LYZL2: variants seen among roughly 807,000 people sequenced by gnomAD.
LYZL2 encodes lysozyme-like protein 2.
LYZL2 carries 13 observed loss-of-function variants against 17.1 expected under a neutral mutation model. The ratio of observed to expected loss-of-function variants is 0.76; its 90% CI spans 0.49 to 1.21. LYZL2 has a LOEUF of 1.21. LYZL2 is among the 50% of genes most tolerant of loss of function. The pLI, the probability that LYZL2 is intolerant of heterozygous loss-of-function variation, is 0.00. For synonymous variants in LYZL2, 63 were observed against 74.4 expected, an observed-to-expected ratio of 0.85 and a Z score of 0.79; for missense variants, 166 against 189.2, an observed-to-expected ratio of 0.88 and a Z score of 0.72.
chr10:30,627,881 CA>C (rs1398215300), intron 1 of LYZL2, among the ~76,000 whole-genome samples: 1 of 152,182 alleles, frequency 6.6e-6, no homozygotes, highest in Non-Finnish European at 1.5e-5. Context: ...TCGTCTAGGC[CA>C]GGCGCGGTGG....
intron 3 of LYZL2, among the ~76,000 whole-genome samples, chr10:30,617,153 G>A (rs1838541519): frequency 6.6e-6 from 1 of 152,044 alleles, no homozygotes; most frequent in African/African-American, 2.4e-5. Context: ...TATTATTCTG[G>A]GATTGGAGGT....
intron 3 of LYZL2, among the ~76,000 whole-genome samples, chr10:30,618,811 C>A (rs1009183916): frequency 1.3e-5 from 2 of 152,112 alleles, no homozygotes; most frequent in African/African-American, 4.8e-5. Context: ...GCAACAAAAG[C>A]CAAAATTGAC....
intron 3 of LYZL2, among the ~76,000 whole-genome samples, chr10:30,613,810 G>T (rs1029863317): frequency 4.6e-5 from 7 of 152,092 alleles, no homozygotes; most frequent in Non-Finnish European, 8.8e-5. Flanking sequence ...CAACCTCCTG[G>T]CCTCAAGCAA....
At chr10:30,612,744 A>G (rs1039295307) in intron 4 of LYZL2, 78 bp downstream of exon 4, 5 of 1,169,536 alleles carry the variant, frequency 4.3e-6, no homozygotes, top group Admixed American at 1.8e-5. Context: ...GAGTTTGTCA[A>G]TTCCACCATA....
chr10:30,627,843 G>A (rs1838740462), intron 1 of LYZL2, among the ~76,000 whole-genome samples: 1 of 152,214 alleles, frequency 6.6e-6, no homozygotes, highest in Non-Finnish European at 1.5e-5. Context: ...AAATACACGT[G>A]GACCTGAATG....
chr10:30,613,657 T>C (rs1268031041), intron 3 of LYZL2, among the ~76,000 whole-genome samples: 1 of 152,222 alleles, frequency 6.6e-6, no homozygotes, highest in African/African-American at 2.4e-5. Flanking sequence ...GTGTTTTTCA[T>C]GTGCAGAAAG....
chr10:30,629,681 G>A lies in LYZL2; in HGVS notation c.-114C>T. 1.2e-6 allele frequency: 2 copies of A among 1,613,948 alleles called. No individual in the cohort carries two copies. The highest frequency in any genetic ancestry group is 1.7e-6 in the Non-Finnish European group (2 of 1,179,816). ...ACACTGCTCCACTTAGTCGGTGACA[G>A]GCAGCTCAGGGGAGCGTCCTGCATC... On this transcript the variant is annotated 5_prime_UTR_variant, in exon 1 of 5. Transcript: ENST00000647634.
rs542393474 is a variant in LYZL2, at chr10:30,625,610, G to A, written c.298+495C>T. ...GAGGAGGGAAGGTTGCTTGAGTCAT[G>A]GAGGTCAAGACTGCAATGAGCTATG... On this transcript the variant is annotated intron_variant, in intron 3 of 4. Transcript: ENST00000647634. Among the ~76,000 whole-genome samples the A allele has an allele frequency of 2.0e-5, 3 of 152,282 alleles. No homozygotes were observed. In the East Asian group the frequency reaches 5.8e-4, roughly 29 times the overall value.
intron 3 of LYZL2, among the ~76,000 whole-genome samples, chr10:30,622,332 G>T (rs957531735): frequency 6.6e-6 from 1 of 152,028 alleles, no homozygotes; most frequent in Non-Finnish European, 1.5e-5. Context: ...AGATCACAAG[G>T]TCAGGAGATC....
At chr10:30,607,373 G>A (rs1032769212), downstream of LYZL2, among the ~76,000 whole-genome samples, 7 of 151,910 alleles carry the variant, frequency 4.6e-5, no homozygotes, top group Admixed American at 2.6e-4. Context: ...GGCCCCAGTG[G>A]TAAAAAATGT....
At chr10:30,607,030 C>T (rs567815043), downstream of LYZL2, among the ~76,000 whole-genome samples, 5 of 151,422 alleles carry the variant, frequency 3.3e-5, no homozygotes, top group Non-Finnish European at 5.9e-5. Context: ...CCTGCCTCAG[C>T]CTCCTGAGTA....
At chr10:30,614,268 G>A (rs1052895853) in intron 3 of LYZL2, among the ~76,000 whole-genome samples, 1 of 152,240 alleles carries the variant, frequency 6.6e-6, no homozygotes, top group Non-Finnish European at 1.5e-5. Flanking sequence ...TCGGCTGGGG[G>A]GAAGCAGGAT....
intron 3 of LYZL2, among the ~76,000 whole-genome samples, chr10:30,625,405 T>C (rs567644316): frequency 1.3e-5 from 2 of 152,084 alleles, no homozygotes; most frequent in Non-Finnish European, 2.9e-5. Context: ...CTTCCTCACA[T>C]CTGCAAAGTC....
chr10:30,628,793 G>A (rs1305457712), intron 1 of LYZL2, among the ~76,000 whole-genome samples: 2 of 152,204 alleles, frequency 1.3e-5, no homozygotes, highest in African/African-American at 4.8e-5. Flanking sequence ...AGGTGACTAA[G>A]CAATAAGATA....
At chr10:30,622,347 C>T (rs1234730060) in intron 3 of LYZL2, among the ~76,000 whole-genome samples, 3 of 152,008 alleles carry the variant, frequency 2.0e-5, no homozygotes, top group Non-Finnish European at 2.9e-5. Flanking sequence ...GAGATCGAGA[C>T]CATCCTGGCT....
At chr10:30,615,475 CT>C (rs1388095059) in intron 3 of LYZL2, among the ~76,000 whole-genome samples, 2 of 152,184 alleles carry the variant, frequency 1.3e-5, no homozygotes, top group African/African-American at 4.8e-5. Flanking sequence ...GTTAATTATA[CT>C]GTACTGCTTA....
downstream of LYZL2, among the ~76,000 whole-genome samples, chr10:30,609,134 T>G (rs2132928835): frequency 6.6e-6 from 1 of 152,330 alleles, no homozygotes; most frequent in South Asian, 2.1e-4. Context: ...TCATTGTGCC[T>G]GGCCAACATC....
In LYZL2 at chr10:30,629,581, T is replaced by C. The variant is rs1838774032; in HGVS notation, c.-26+12A>G. The stretch of plus-strand genomic sequence containing the variant: ...GGGACAGGTGGCTTCATAAGAGTAA[T>C]TTAGGTCTTACTGAAAAGGCAGATT... On this transcript the variant is annotated intron_variant, in intron 1 of 4. Transcript: ENST00000647634. 2 of 1,613,740 alleles carry C rather than the reference T, an allele frequency of 1.2e-6. No homozygotes were observed. Among genetic ancestry groups the C allele is most frequent in the South Asian group, 2.2e-5 (2 of 91,000 alleles).
chr10:30,608,722 A>G (rs1838400988), downstream of LYZL2, among the ~76,000 whole-genome samples: 1 of 152,184 alleles, frequency 6.6e-6, no homozygotes, highest in Admixed American at 6.5e-5. Flanking sequence ...GAGCATATGA[A>G]ATAATAAACA....
Sources: allele counts gnomAD v4.1 joint callset (sites outside exome capture counted in the v4.1 genomes callset), GRCh38; gene constraint gnomAD v4.1.1; transcripts MANE v1.5; gene names NCBI Gene and HGNC (gene_info 2026-07-23, HGNC 2026-07-21).